The following GSG1L variants were observed in gnomAD, a reference collection of about 807,000 sequenced individuals.
The protein encoded by GSG1L is GSG1 like.
GSG1L carries 24 observed loss-of-function variants against 42.1 expected under a neutral mutation model. That is an observed-to-expected ratio of 0.57 (90% CI 0.41 to 0.80). The LOEUF is 0.80. Ranked by LOEUF, GSG1L falls within the 30% of genes least tolerant of loss-of-function variation. The pLI is 0.00. For missense variants in GSG1L, 445 were observed against 472.2 expected (o/e 0.94, Z 0.53); for synonymous variants, 215 against 203.5 (o/e 1.06, Z -0.48).
intron 3 of GSG1L, among the ~76,000 whole-genome samples, chr16:27,879,008 G>C (rs1465339760): frequency 6.6e-6 from 1 of 152,024 alleles, no homozygotes; most frequent in Non-Finnish European, 1.5e-5. Context: ...AATCAGGGGA[G>C]AGGGAGGAGG....
At chr16:27,856,442 T>C (rs1460797923) in intron 3 of GSG1L, among the ~76,000 whole-genome samples, 2 of 152,056 alleles carry the variant, frequency 1.3e-5, no homozygotes, top group Non-Finnish European at 2.9e-5. Flanking sequence ...GCCTCCTGAG[T>C]AGCTGGGACC....
intron 1 of GSG1L, among the ~76,000 whole-genome samples, chr16:28,046,009 A>G (rs556730656): frequency 2.6e-5 from 4 of 152,314 alleles, no homozygotes; most frequent in African/African-American, 9.6e-5. Context: ...AAAAATAAAA[A>G]TTAAATAAAA....
intron 1 of GSG1L, among the ~76,000 whole-genome samples, chr16:28,055,680 G>C (rs2086271261): frequency 6.6e-6 from 1 of 151,988 alleles, no homozygotes; most frequent in Non-Finnish European, 1.5e-5. Flanking sequence ...ATGTTGGCCA[G>C]GCTGGTCTTG....
intron 2 of GSG1L, among the ~76,000 whole-genome samples, chr16:27,914,793 A>G (rs1204414895): frequency 1.3e-5 from 2 of 152,220 alleles, no homozygotes; most frequent in Non-Finnish European, 2.9e-5. Flanking sequence ...CATATAAATC[A>G]TGGGAAAAGG....
intron 1 of GSG1L, among the ~76,000 whole-genome samples, chr16:27,988,058 C>T (rs546091296): frequency 6.6e-6 from 1 of 151,472 alleles, no homozygotes; most frequent in African/African-American, 2.4e-5. Context: ...AACAGATCAT[C>T]ATAAAATGTC....
At chr16:27,842,685 A>T (rs569964757) in intron 4 of GSG1L, among the ~76,000 whole-genome samples, 1 of 152,264 alleles carries the variant, frequency 6.6e-6, no homozygotes, top group South Asian at 2.1e-4. Context: ...GGCCAGGGTT[A>T]ATGGGTCAAG....
At chr16:28,037,009 T>C (rs1014780675) in intron 1 of GSG1L, among the ~76,000 whole-genome samples, 4 of 152,112 alleles carry the variant, frequency 2.6e-5, no homozygotes, top group African/African-American at 9.7e-5. Flanking sequence ...TCTTTGGTTG[T>C]TGTTGTTGTT....
intron 1 of GSG1L, among the ~76,000 whole-genome samples, chr16:27,994,991 T>C (rs1282348275): frequency 6.6e-6 from 1 of 152,228 alleles, no homozygotes; most frequent in African/African-American, 2.4e-5. Flanking sequence ...ATCTTCTGGC[T>C]GGCTGCCCTG....
At chr16:27,863,591 C>A (rs1354006247) in intron 3 of GSG1L, among the ~76,000 whole-genome samples, 2 of 151,958 alleles carry the variant, frequency 1.3e-5, no homozygotes, top group East Asian at 3.8e-4. Context: ...TTATTTCTGC[C>A]AACTCCAGCA....
intron 1 of GSG1L, among the ~76,000 whole-genome samples, chr16:27,977,943 G>C (rs1014641572): frequency 6.6e-6 from 1 of 152,204 alleles, no homozygotes; most frequent in Non-Finnish European, 1.5e-5. Flanking sequence ...TGCAGCATGA[G>C]AATCAAACAG....
At chr16:27,965,115 T>C (rs1270439919) in intron 1 of GSG1L, among the ~76,000 whole-genome samples, 2 of 152,100 alleles carry the variant, frequency 1.3e-5, no homozygotes, top group South Asian at 2.1e-4. Flanking sequence ...ACCTCCTGGG[T>C]TGAAGCAATT....
In GSG1L at chr16:28,034,521, A is replaced by G. The variant is rs1458110695; in HGVS notation, c.349+28555T>C. 3.3e-5 allele frequency among the ~76,000 whole-genome samples: 5 copies of G among 151,944 alleles called. No individual in the cohort carries two copies. The East Asian group carries it at 9.6e-4, about 29-fold the overall frequency. Reference sequence around the variant, plus strand: ...ATCAACTGGTTTCAGTATCTCTCTCAACTTCCCATTGTTCTTCTATCTGTC... The same window carrying G: ...ATCAACTGGTTTCAGTATCTCTCTCGACTTCCCATTGTTCTTCTATCTGTC... On this transcript the variant is annotated intron_variant, in intron 1 of 6. Transcript: ENST00000447459.
In GSG1L at chr16:27,954,230, A is replaced by T. The variant is rs561995332; in HGVS notation, c.397+8926T>A. Among the ~76,000 whole-genome samples, 223 of 152,318 alleles carry T rather than the reference A, an allele frequency of 1.5e-3. 1 individual carries two copies. The highest frequency in any genetic ancestry group is 5.1e-3 in the African/African-American group (213 of 41,574). The stretch of plus-strand genomic sequence containing the variant: ...TACCGCCAATCATTACAGTTAAGGA[A>T]TAAGAAAGTCATAAATCCTCAGAAC... On this transcript the variant is annotated intron_variant, in intron 2 of 6. Transcript: ENST00000447459.
chr16:27,865,467 C>A (rs1329867358), intron 3 of GSG1L, among the ~76,000 whole-genome samples: 1 of 148,738 alleles, frequency 6.7e-6, no homozygotes, highest in African/African-American at 2.5e-5. Context: ...GAAGTGGCCG[C>A]ACTGGATAAA....
At chr16:27,943,962 G>C (rs1303790869) in intron 2 of GSG1L, among the ~76,000 whole-genome samples, 1 of 152,156 alleles carries the variant, frequency 6.6e-6, no homozygotes, top group Non-Finnish European at 1.5e-5. Flanking sequence ...ACGTAAAGGA[G>C]TGGGAGTTGC....
In GSG1L at chr16:28,059,887, T is replaced by C. The variant is rs2086321541; in HGVS notation, c.349+3189A>G. Reference sequence around the variant, plus strand: ...TGTGTCTGTTTAGGGCAGGCTGCAGTTTTCTTTGTGAACACTGTAGATTTT... The same window carrying C: ...TGTGTCTGTTTAGGGCAGGCTGCAGCTTTCTTTGTGAACACTGTAGATTTT... On this transcript the variant is annotated intron_variant, in intron 1 of 6. Coordinates refer to ENST00000447459, the MANE Select transcript of GSG1L (RefSeq NM_001109763.2). The surrounding 1 kb of genome is among the most constrained non-coding windows in gnomAD (Gnocchi z 4.4). 6.6e-6 allele frequency among the ~76,000 whole-genome samples: 1 copy of C among 152,132 alleles called. No homozygotes were observed.
intron 2 of GSG1L, among the ~76,000 whole-genome samples, chr16:27,960,256 C>T (rs763833797): frequency 7.3e-5 from 11 of 151,210 alleles, no homozygotes; most frequent in African/African-American, 2.7e-4. Flanking sequence ...AAGAGCCAGA[C>T]TGTTCAGGTT....
intron 1 of GSG1L, among the ~76,000 whole-genome samples, chr16:28,033,604 G>A (rs2085992349): frequency 6.6e-6 from 1 of 152,152 alleles, no homozygotes; most frequent in Non-Finnish European, 1.5e-5. Context: ...AAATACTCTT[G>A]GGGAATTCTC....
chr16:27,824,515 A>G (rs762028112), intron 5 of GSG1L, among the ~76,000 whole-genome samples: 3 of 149,076 alleles, frequency 2.0e-5, no homozygotes, highest in Non-Finnish European at 4.4e-5. Context: ...GCAGACATCT[A>G]TGTGCTCTGA....
Sources: allele counts gnomAD v4.1 joint callset (sites outside exome capture counted in the v4.1 genomes callset), GRCh38; gene constraint gnomAD v4.1.1; non-coding constraint Gnocchi (gnomAD v3.1); transcripts MANE v1.5; gene names NCBI Gene and HGNC (gene_info 2026-07-23, HGNC 2026-07-21).